WNK2: variants seen among roughly 807,000 people sequenced by gnomAD.
WNK2 encodes serine/threonine-protein kinase WNK2.
WNK2 carries 67 observed loss-of-function variants against 192.1 expected under a neutral mutation model. That is an observed-to-expected ratio of 0.35 (90% CI 0.29 to 0.43). WNK2 has a LOEUF of 0.43. Among genes scored for constraint, WNK2 ranks in the 20% least tolerant of loss-of-function variants. The probability of loss-of-function intolerance (pLI) is 1.00; values close to 1 mark genes in which losing one functional copy is unlikely to be tolerated. For synonymous variants in WNK2, 1,439 were observed against 1,393.9 expected (o/e 1.03, Z -0.72); for missense variants, 2,698 against 3,089.7 (o/e 0.87, Z 3.01).
chr9:93,239,997 G>C lies in WNK2; in HGVS notation c.1542+21G>C, dbSNP rs140531162. On this transcript the variant is annotated intron_variant, in intron 7 of 29. Transcript: ENST00000427277. The surrounding 1 kb of genome is among the most constrained non-coding windows in gnomAD (Gnocchi z 4.2). ...AGATGGTAAGCAGGACTCAGATGGG[G>C]TGAGGTGGGTGCAGGTGTTGGCAGC... 3.1e-6 allele frequency: 5 copies of C among 1,599,682 alleles called. No homozygotes were observed. The highest frequency in any genetic ancestry group is 4.3e-6 in the Non-Finnish European group (5 of 1,173,004).
In WNK2 at chr9:93,253,006, G is replaced by T; in HGVS notation, c.1958G>T (p.Ser653Ile). The T allele has an allele frequency of 6.4e-7, 1 of 1,558,644 alleles. No individual in the cohort carries two copies. Among genetic ancestry groups the T allele is most frequent in the East Asian group, 2.5e-5 (1 of 40,554 alleles). ...AAPSPAQCVC[S>I]PPVSEGPVLP... The stretch of plus-strand genomic sequence containing the variant: ...CCGTCCCCGGCCCAGTGTGTGTGCA[G>T]CCCCCCTGTGAGCGAGGGGCCCGTC... The change falls in exon 9 of 30, where the codon AGC (serine) becomes ATC (isoleucine). Residue 653 changes from serine to isoleucine, a missense_variant. Around this residue, in one of 7 missense-constraint regions of WNK2, gnomAD observed 893 missense variants for 909.0 expected, o/e 0.98. Coordinates refer to ENST00000427277, the MANE Select transcript of WNK2 (RefSeq NM_006648.4).
chr9:93,207,769 C>T (rs959244641), intron 2 of WNK2, among the ~76,000 whole-genome samples: 2 of 152,246 alleles, frequency 1.3e-5, no homozygotes, highest in Admixed American at 6.5e-5. Context: ...CCGGCACCCA[C>T]GCCCTCTCCA....
intron 23 of WNK2, among the ~76,000 whole-genome samples, chr9:93,296,840 C>A: frequency 8.1e-6 from 1 of 123,162 alleles, no homozygotes; most frequent in Non-Finnish European, 1.7e-5. Context: ...CATCTTCCTC[C>A]CCCTCCATCC....
intron 2 of WNK2, among the ~76,000 whole-genome samples, chr9:93,207,947 C>T (rs959026480): frequency 6.6e-6 from 1 of 152,220 alleles, no homozygotes; most frequent in Non-Finnish European, 1.5e-5. Flanking sequence ...CGTGTCCCAC[C>T]CCTTCCACGT....
rs532770465 is a variant in WNK2 at position 93,264,166 on chromosome 9, A to G, written c.3696+133A>G. ...GGTTGGCCCAGGGGCTTTTCGGGAC[A>G]GTGCTGACCTTTTACGCCTCGGGCT... On this transcript the variant is annotated intron_variant, in intron 16 of 29. Coordinates refer to ENST00000427277, the MANE Select transcript of WNK2 (RefSeq NM_006648.4). The G allele has an allele frequency of 1.6e-4, 112 of 684,602 alleles. 1 individual carries two copies. In the South Asian group the frequency reaches 1.8e-3, roughly 11 times the overall value. The allele number at this position is 684,602 out of a possible 1,614,324, so 42.4% of individuals were successfully genotyped here.
intron 2 of WNK2, among the ~76,000 whole-genome samples, chr9:93,186,389 AT>A (rs1187051131): frequency 6.6e-6 from 1 of 152,162 alleles, no homozygotes; most frequent in Non-Finnish European, 1.5e-5. Context: ...GCCCTGCAAG[AT>A]TATATAAACA....
chr9:93,217,882 AG>A (rs1323525613), intron 2 of WNK2, among the ~76,000 whole-genome samples: 3 of 152,284 alleles, frequency 2.0e-5, no homozygotes, highest in African/African-American at 7.2e-5. Flanking sequence ...TGGGGAGGAA[AG>A]GAAGTGAGGC....
intron 4 of WNK2, among the ~76,000 whole-genome samples, chr9:93,233,996 A>G (rs1300952579): frequency 6.6e-6 from 1 of 152,238 alleles, no homozygotes; most frequent in African/African-American, 2.4e-5. Context: ...GAGAAACCCC[A>G]GACCAATATA....
intron 2 of WNK2, among the ~76,000 whole-genome samples, chr9:93,211,134 T>TTACA (rs1488045495): frequency 3.0e-4 from 45 of 151,540 alleles, no homozygotes; most frequent in Admixed American, 5.2e-4. Context: ...CCTCACTTAC[T>TTACA]CATCCACTCA....
At chr9:93,264,848 G>T (rs1452905143) in intron 16 of WNK2, among the ~76,000 whole-genome samples, 1 of 152,226 alleles carries the variant, frequency 6.6e-6, no homozygotes, top group Non-Finnish European at 1.5e-5. Context: ...CATGAGTAGG[G>T]AATAGAATAT....
intron 2 of WNK2, among the ~76,000 whole-genome samples, chr9:93,208,575 A>G (rs928881365): frequency 4.3e-4 from 25 of 58,126 alleles, no homozygotes; most frequent in Non-Finnish European, 7.9e-4. Context: ...ACACGTGTGT[A>G]TTTGGTGTGT....
chr9:93,318,546 G>C, intron 29 of WNK2: 2 of 1,614,058 alleles, frequency 1.2e-6, no homozygotes, highest in Non-Finnish European at 1.7e-6. Flanking sequence ...ATGCCAGTGG[G>C]CTGCTGTGAG....
intron 2 of WNK2, among the ~76,000 whole-genome samples, chr9:93,215,358 C>T (rs1835555374): frequency 6.6e-6 from 1 of 152,178 alleles, no homozygotes; most frequent in Non-Finnish European, 1.5e-5. Flanking sequence ...GATCCACCCA[C>T]CTCGGCCTCC....
intron 16 of WNK2, 112 bp from the exon 17 acceptor site, chr9:93,267,634 A>G: frequency 7.8e-7 from 1 of 1,283,020 alleles, no homozygotes. Flanking sequence ...GCACCCTTTC[A>G]CCATTCTTCC....
In WNK2 at chr9:93,259,336, C is replaced by T. The variant is rs1156537850; in HGVS notation, c.2788C>T (p.His930Tyr). ...TACTGACGTCCCTCCTTCCCCCCATCACACGGTGCAGAATATGAGGGCCAC... is the reference window on the plus strand; with the variant it reads ...TACTGACGTCCCTCCTTCCCCCCATTACACGGTGCAGAATATGAGGGCCAC... ...APTDVPPSPH[H>Y]TVQNMRATPP... is the part of the protein sequence containing the mutation. Residue 930 changes from histidine to tyrosine, a missense_variant, in exon 12 of 30, where the codon CAC becomes TAC. This residue lies in a region of WNK2 where 893 missense variants were observed against 909.0 expected (regional missense o/e 0.98). Transcript: ENST00000427277. The surrounding 1 kb of genome is among the most constrained non-coding windows in gnomAD (Gnocchi z 4.8). 8 of 1,613,296 alleles carry T rather than the reference C, an allele frequency of 5.0e-6. No individual in the cohort carries two copies. Among genetic ancestry groups the T allele is most frequent in the Non-Finnish European group, 6.8e-6 (8 of 1,179,722 alleles).
At chr9:93,241,870 G>A (rs1840834605) in intron 7 of WNK2, among the ~76,000 whole-genome samples, 1 of 152,054 alleles carries the variant, frequency 6.6e-6, no homozygotes, top group Non-Finnish European at 1.5e-5. Context: ...TCCTGCAGCC[G>A]CGACCCCTGA....
At position 93,308,510 on chromosome 9, in the gene WNK2, C is replaced by A; in HGVS notation, c.6442C>A (p.Gln2148Lys). The A allele has an allele frequency of 6.2e-7, 1 of 1,606,700 alleles. No individual in the cohort carries two copies. Among genetic ancestry groups the A allele is most frequent in the East Asian group, 2.2e-5 (1 of 44,514 alleles). The change falls in exon 28 of 30, where the codon CAG (glutamine) becomes AAG (lysine). Residue 2148 changes from glutamine (Q) to lysine (K), a missense_variant. Gln to Lys is a moderately conservative substitution (Grantham distance 53). Coordinates refer to ENST00000427277, the MANE Select transcript of WNK2 (RefSeq NM_006648.4). ...CGCGCAGCTGAAGCCCACGCTCAAC[C>A]AGCTGAAGCAGACCCAGAAGCTGCA... ...GAAQLKPTLN[Q>K]LKQTQKLQDM...
intron 29 of WNK2, chr9:93,318,343 T>C: frequency 6.3e-7 from 1 of 1,589,726 alleles, no homozygotes; most frequent in South Asian, 1.1e-5. Flanking sequence ...ATTGAAGAGC[T>C]TCCATTGCTA....
At chr9:93,252,834 T>C in intron 8 of WNK2, 49 bp from the exon 9 acceptor site, 12 of 1,338,558 alleles carry the variant, frequency 9.0e-6, no homozygotes, top group Non-Finnish European at 1.2e-5. Flanking sequence ...TGTTTGTTCA[T>C]GTGACATTTG....
Sources: allele counts gnomAD v4.1 joint callset (sites outside exome capture counted in the v4.1 genomes callset), GRCh38; gene constraint gnomAD v4.1.1; regional missense constraint gnomAD v4.1.1; non-coding constraint Gnocchi (gnomAD v3.1); transcripts MANE v1.5; gene names NCBI Gene and HGNC (gene_info 2026-07-23, HGNC 2026-07-21).